Variants in STXBP6 observed in about 807,000 individuals in gnomAD.
The protein encoded by STXBP6 is syntaxin-binding protein 6.
Under a neutral mutation model 26.9 loss-of-function variants are expected in STXBP6, and 21 were observed. The ratio of observed to expected loss-of-function variants is 0.78; its 90% CI spans 0.55 to 1.12. The LOEUF is 1.12. STXBP6 is among the 50% of genes most tolerant of loss of function. The pLI, the probability that STXBP6 is intolerant of heterozygous loss-of-function variation, is 0.00. For missense variants in STXBP6, 232 were observed against 257.9 expected, an observed-to-expected ratio of 0.90 and a Z score of 0.69; for synonymous variants, 97 against 92.6, an observed-to-expected ratio of 1.05 and a Z score of -0.27.
At position 24,841,462 on chromosome 14, in the gene STXBP6, C is replaced by T. The variant is rs753812604; in HGVS notation, c.451+14474G>A. 4.6e-5 allele frequency among the ~76,000 whole-genome samples: 7 copies of T among 152,250 alleles called. No homozygotes were observed. The South Asian group carries it at 1.5e-3, about 32-fold the overall frequency. On this transcript the variant is annotated intron_variant, in intron 4 of 5. Transcript: ENST00000323944. ...ACTTGGTGATATTCTCAATCTGAGTCTTCAATTCAGCAAGTTTTAGCCATC... is the reference window on the plus strand; with the variant it reads ...ACTTGGTGATATTCTCAATCTGAGTTTTCAATTCAGCAAGTTTTAGCCATC...
intron 4 of STXBP6, among the ~76,000 whole-genome samples, chr14:24,825,789 G>A (rs2068263291): frequency 6.6e-6 from 1 of 152,132 alleles, no homozygotes; most frequent in African/African-American, 2.4e-5. Flanking sequence ...AAACATTTAG[G>A]ATTTTATTCA....
At chr14:24,983,129 A>T (rs1459118068) in intron 1 of STXBP6, among the ~76,000 whole-genome samples, 2 of 152,246 alleles carry the variant, frequency 1.3e-5, no homozygotes, top group Non-Finnish European at 2.9e-5. Context: ...GAATACACTC[A>T]TTGGTGTATT....
intron 2 of STXBP6, among the ~76,000 whole-genome samples, chr14:24,879,728 T>C (rs977679431): frequency 6.0e-5 from 8 of 133,848 alleles, no homozygotes; most frequent in African/African-American, 2.1e-4. Context: ...TTTCTTTCTC[T>C]AAGCTCCAGG....
At chr14:25,037,298 T>A (rs898504792) in intron 1 of STXBP6, among the ~76,000 whole-genome samples, 1 of 152,202 alleles carries the variant, frequency 6.6e-6, no homozygotes, top group African/African-American at 2.4e-5. Context: ...TATCAGCACT[T>A]GTTTTTCTGG....
chr14:24,922,382 T>C (rs1315876604), intron 2 of STXBP6, among the ~76,000 whole-genome samples: 1 of 152,132 alleles, frequency 6.6e-6, no homozygotes, highest in Non-Finnish European at 1.5e-5. Flanking sequence ...ATCAAATGTG[T>C]TCTTAACACT....
chr14:24,983,963 C>T (rs530249999), intron 1 of STXBP6, among the ~76,000 whole-genome samples: 1 of 152,278 alleles, frequency 6.6e-6, no homozygotes, highest in African/African-American at 2.4e-5. Context: ...CTAAATCAAA[C>T]ATCAATTTTA....
intron 1 of STXBP6, among the ~76,000 whole-genome samples, chr14:24,975,451 T>C (rs1363849455): frequency 6.6e-6 from 1 of 152,220 alleles, no homozygotes; most frequent in Non-Finnish European, 1.5e-5. Flanking sequence ...CCCAATGGGT[T>C]CTAGTTTGCA....
At chr14:24,884,770 T>TATTA (rs10622261) in intron 2 of STXBP6, among the ~76,000 whole-genome samples, 79,990 of 151,840 alleles carry the variant, frequency 0.53, 21,848 homozygotes, top group African/African-American at 0.66. Flanking sequence ...ATTAATAATT[T>TATTA]ATTATTTATG....
chr14:24,940,877 G>T lies in STXBP6; in HGVS notation c.154+33788C>A, dbSNP rs139069488. Among the ~76,000 whole-genome samples the T allele has an allele frequency of 5.4e-3, 817 of 152,254 alleles. 2 individuals carry two copies. Among genetic ancestry groups the T allele is most frequent in the Non-Finnish European group, 9.0e-3 (612 of 68,026 alleles). On this transcript the variant is annotated intron_variant, in intron 2 of 5. Transcript: ENST00000323944. ...AAAAATACAAAAAAAGTAGCCAGGT[G>T]TGGTGGCAGGCACATGCAATCCTAG...
chr14:24,973,286 A>G (rs2073952541), intron 2 of STXBP6, among the ~76,000 whole-genome samples: 1 of 151,694 alleles, frequency 6.6e-6, no homozygotes. Context: ...CAATAACCCA[A>G]TTTTTTTATT....
At chr14:24,955,477 G>A (rs1352969732) in intron 2 of STXBP6, among the ~76,000 whole-genome samples, 1 of 152,192 alleles carries the variant, frequency 6.6e-6, no homozygotes, top group Non-Finnish European at 1.5e-5. Flanking sequence ...GGTCCTGCCT[G>A]CCTTCCTTTG....
At chr14:24,981,670 G>A (rs2074196109) in intron 1 of STXBP6, among the ~76,000 whole-genome samples, 2 of 152,132 alleles carry the variant, frequency 1.3e-5, no homozygotes, top group African/African-American at 2.4e-5. Flanking sequence ...ATTAATATGA[G>A]TTGAAACCTT....
intron 4 of STXBP6, among the ~76,000 whole-genome samples, chr14:24,825,461 C>T (rs1566383118): frequency 6.6e-6 from 1 of 152,020 alleles, no homozygotes; most frequent in African/African-American, 2.4e-5. Context: ...TGGAGCTGGA[C>T]GACAAAGAAA....
chr14:24,910,663 G>A (rs981570083), intron 2 of STXBP6, among the ~76,000 whole-genome samples: 1 of 152,146 alleles, frequency 6.6e-6, no homozygotes, highest in African/African-American at 2.4e-5. Flanking sequence ...ACACATGTAT[G>A]TATATGATAA....
At chr14:24,875,510 G>GT (rs1320574529) in intron 2 of STXBP6, among the ~76,000 whole-genome samples, 1 of 152,338 alleles carries the variant, frequency 6.6e-6, no homozygotes, top group East Asian at 1.9e-4. Flanking sequence ...TGGATGAACT[G>GT]TTGGGGTGGG....
chr14:25,032,690 C>A (rs908753893), intron 1 of STXBP6, among the ~76,000 whole-genome samples: 6 of 152,178 alleles, frequency 3.9e-5, no homozygotes, highest in African/African-American at 1.2e-4. Context: ...CAGAGTCCCT[C>A]GATCAATGTA....
intron 2 of STXBP6, among the ~76,000 whole-genome samples, chr14:24,935,264 C>A (rs2139939255): frequency 6.6e-6 from 1 of 152,072 alleles, no homozygotes; most frequent in South Asian, 2.1e-4. Flanking sequence ...ATAGGTTTTG[C>A]TAGACAACAT....
At chr14:24,891,687 T>A (rs758065689) in intron 2 of STXBP6, among the ~76,000 whole-genome samples, 2 of 152,246 alleles carry the variant, frequency 1.3e-5, no homozygotes, top group Non-Finnish European at 2.9e-5. Context: ...TAGAAAAGTT[T>A]ATCTAGAAAA....
At chr14:24,909,143 A>G (rs1463165944) in intron 2 of STXBP6, among the ~76,000 whole-genome samples, 2 of 152,274 alleles carry the variant, frequency 1.3e-5, no homozygotes, top group Non-Finnish European at 2.9e-5. Context: ...TACCTTCAGC[A>G]TTCTTGAAAG....
Sources: allele counts gnomAD v4.1 joint callset (sites outside exome capture counted in the v4.1 genomes callset), GRCh38; gene constraint gnomAD v4.1.1; transcripts MANE v1.5; gene names NCBI Gene and HGNC (gene_info 2026-07-23, HGNC 2026-07-21).